Variants in PLEKHN1 observed in about 807,000 individuals in gnomAD.
PLEKHN1 encodes the protein pleckstrin homology domain-containing family N member 1.
A neutral mutation model predicts 72.8 loss-of-function variants in PLEKHN1; 68 were observed. The observed-to-expected ratio is 0.93, with a 90% CI of 0.77 to 1.14. The LOEUF (loss-of-function observed/expected upper bound fraction) is 1.14. PLEKHN1 is among the 50% of genes most tolerant of loss of function. The probability of loss-of-function intolerance (pLI) is 0.00; values close to 1 mark genes in which losing one functional copy is unlikely to be tolerated. For synonymous variants in PLEKHN1, 454 were observed against 371.6 expected (o/e 1.22, Z -2.55); for missense variants, 1,015 against 840.5 (o/e 1.21, Z -2.57).
intron 11 of PLEKHN1, 71 bp downstream of exon 11, chr1:973,081 G>A (rs1011368168): frequency 2.6e-6 from 4 of 1,527,240 alleles, no homozygotes; most frequent in Non-Finnish European, 3.5e-6. Context: ...TGGGGACCCT[G>A]GTTCCTCAGG....
rs201888830 is a variant in PLEKHN1, at chr1:971,132, G to C, written c.632G>C (p.Arg211Pro). Residue 211 changes from arginine (R) to proline (P), a missense_variant, in exon 7 of 16, where the codon CGG becomes CCG. Physicochemically the swap from Arg to Pro is moderately radical, Grantham distance 103. Transcript: ENST00000379410. ...TTGCAGCGCCGTCTAACCCGGCTGC[G>C]GACGGCGTCAGGGCACGAACCCGGC... ...APPQRRLTRL[R>P]TASGHEPGGS... 3 of 1,600,586 alleles carry C rather than the reference G, an allele frequency of 1.9e-6. No homozygotes were observed. Among genetic ancestry groups the C allele is most frequent in the South Asian group, 2.2e-5 (2 of 88,924 alleles).
In PLEKHN1 at chr1:970,507, T is replaced by G; in HGVS notation, c.331-14T>G. 2 of 1,613,062 alleles carry G rather than the reference T, an allele frequency of 1.2e-6. No individual in the cohort carries two copies. The highest frequency in any genetic ancestry group is 1.7e-6 in the Non-Finnish European group (2 of 1,179,926). ...TCCCCAGACTCCGCACTGACGACCC[T>G]GCTCCCCGCGCAGGATGTCAGCGAC... On this transcript the variant is annotated splice_polypyrimidine_tract_variant and intron_variant, in intron 3 of 15. Coordinates refer to ENST00000379410, the MANE Select transcript of PLEKHN1 (RefSeq NM_032129.3). This position sits in a 1 kb window ranked among gnomAD's most constrained non-coding sequence, Gnocchi z 4.2.
Position 972,346 on chromosome 1 carries a change from G to T in PLEKHN1, c.924G>T (p.Trp308Cys), listed in dbSNP as rs1451501773. ...CCAGCTACGAGGACTACGGTCACTG[G>T]CTGCTGTGCCTTCGCGCTGTCACCC... is the stretch of plus-strand genomic sequence containing the variant. ...VCASYEDYGH[W>C]LLCLRAVTHR... is the part of the protein sequence containing the mutation. Residue 308 changes from tryptophan to cysteine, a missense_variant, in exon 10 of 16, where the codon TGG (tryptophan) becomes TGT (cysteine). Coordinates refer to ENST00000379410, the MANE Select transcript of PLEKHN1 (RefSeq NM_032129.3). The T allele has an allele frequency of 6.2e-7, 1 of 1,611,700 alleles. No individual in the cohort carries two copies. The highest frequency in any genetic ancestry group is 1.7e-5 in the Admixed American group (1 of 59,934).
Position 974,634 on chromosome 1 carries a change from C to G in PLEKHN1, c.*59C>G. The G allele has an allele frequency of 1.1e-5, 17 of 1,532,718 alleles. No homozygotes were observed. Among genetic ancestry groups the G allele is most frequent in the Admixed American group, 4.0e-5 (2 of 49,722 alleles). 94.9% of individuals were successfully genotyped at this position (1,532,718 alleles called of 1,614,324 possible). On this transcript the variant is annotated 3_prime_UTR_variant, in exon 16 of 16. Transcript: ENST00000379410. ...TCGCCAAGCTCCAGGGTACCTGCCC[C>G]TCTAACCCACTTCAAATTACAAGTC...
chr1:971,276 A>C, intron 7 of PLEKHN1, 48 bp from the exon 8 acceptor site: 4 of 1,555,046 alleles, frequency 2.6e-6, no homozygotes, highest in Non-Finnish European at 2.6e-6. Flanking sequence ...GGGCGGTGCA[A>C]CAGCAGCTCA....
At chr1:968,447 G>C (rs1389544322) in intron 2 of PLEKHN1, among the ~76,000 whole-genome samples, 1 of 152,240 alleles carries the variant, frequency 6.6e-6, no homozygotes, top group Non-Finnish European at 1.5e-5. Context: ...GTGTGTGCCA[G>C]GATTGACTAC....
At chr1:966,667 C>T (rs375731325) in intron 1 of PLEKHN1, 37 bp from the exon 2 acceptor site, 58 of 1,582,400 alleles carry the variant, frequency 3.7e-5, no homozygotes, top group Non-Finnish European at 4.5e-5. Context: ...CCACCCGCTC[C>T]GGGGCCAAGC....
At position 972,334 on chromosome 1, in the gene PLEKHN1, C is replaced by G; in HGVS notation, c.912C>G (p.Asp304Glu). The change falls in exon 10 of 16, where the codon GAC (aspartate) becomes GAG (glutamate). Residue 304 changes from aspartate to glutamate, a missense_variant. Coordinates refer to ENST00000379410, the MANE Select transcript of PLEKHN1 (RefSeq NM_032129.3). ...TIRVVCASYE[D>E]YGHWLLCLRA... Reference sequence around the variant, plus strand: ...GCGTGGTGTGCGCCAGCTACGAGGACTACGGTCACTGGCTGCTGTGCCTTC... The same window carrying G: ...GCGTGGTGTGCGCCAGCTACGAGGAGTACGGTCACTGGCTGCTGTGCCTTC... The G allele has an allele frequency of 6.2e-7, 1 of 1,612,544 alleles. No individual in the cohort carries two copies. Among genetic ancestry groups the G allele is most frequent in the Non-Finnish European group, 8.5e-7 (1 of 1,179,886 alleles).
At chr1:973,725 G>A (rs1010423274) in intron 13 of PLEKHN1, 85 bp downstream of exon 13, 32 of 1,571,448 alleles carry the variant, frequency 2.0e-5, no homozygotes, top group Non-Finnish European at 2.7e-5. Context: ...TCTCACCCTG[G>A]GGTCTGGGGC....
At position 974,457 on chromosome 1, in the gene PLEKHN1, G is replaced by A; in HGVS notation, c.1718G>A (p.Arg573Lys). The A allele has an allele frequency of 1.2e-6, 2 of 1,612,874 alleles. No individual in the cohort carries two copies. Among genetic ancestry groups the A allele is most frequent in the Admixed American group, 1.7e-5 (1 of 60,026 alleles). The change falls in exon 16 of 16, where the codon AGG (arginine) becomes AAG (lysine). Residue 573 changes from arginine (R) to lysine (K), a missense_variant. Physicochemically the swap from Arg to Lys is conservative, Grantham distance 26. Transcript: ENST00000379410. ...WLPLTDGRSP[R>K]RSRDPGYDHL... The stretch of plus-strand genomic sequence containing the variant: ...TCCCTACCAGATGGTCGGTCCCCCA[G>A]GAGGAGCCGGGACCCCGGCTACGAC...
intron 10 of PLEKHN1, 67 bp downstream of exon 10, chr1:972,491 C>T (rs947029044): frequency 5.4e-5 from 79 of 1,466,490 alleles, no homozygotes; most frequent in East Asian, 7.5e-5. Flanking sequence ...GCAGACCGGG[C>T]GTGGTGGCGC....
rs1396427014 is a variant in PLEKHN1 at position 971,017 on chromosome 1, G to A, written c.612+11G>A. ...TCGGCACCCCCACAGGTCAGTGCCG[G>A]GGACCCCACCCCCCTCCCCACCCTG... On this transcript the variant is annotated intron_variant, in intron 6 of 15. Coordinates refer to ENST00000379410, the MANE Select transcript of PLEKHN1 (RefSeq NM_032129.3). The A allele has an allele frequency of 1.9e-6, 3 of 1,595,790 alleles. No homozygotes were observed. Among genetic ancestry groups the A allele is most frequent in the Admixed American group, 3.5e-5 (2 of 57,930 alleles).
Position 970,784 on chromosome 1 carries a change from C to G in PLEKHN1, c.484+26C>G. The G allele has an allele frequency of 6.2e-7, 1 of 1,612,744 alleles. No homozygotes were observed. The highest frequency in any genetic ancestry group is 8.5e-7 in the Non-Finnish European group (1 of 1,179,902). ...GTGTTTGGGATGCTTCCCGGGCCCC[C>G]AGAGGCACTCCTGACCCAGGACTTG... On this transcript the variant is annotated intron_variant, in intron 5 of 15. Coordinates refer to ENST00000379410, the MANE Select transcript of PLEKHN1 (RefSeq NM_032129.3). This position sits in a 1 kb window ranked among gnomAD's most constrained non-coding sequence, Gnocchi z 4.2.
Position 970,722 on chromosome 1 carries a change from C to A in PLEKHN1, c.448C>A (p.Leu150Ile). ...GCTGACGGAGCTGAGTGTCTGCCCGCTCGAGGGGTCCCGAGAGCACGCCTT... is the reference window on the plus strand; with the variant it reads ...GCTGACGGAGCTGAGTGTCTGCCCGATCGAGGGGTCCCGAGAGCACGCCTT... ...LPLTELSVCP[L>I]EGSREHAFQI... is the part of the protein sequence containing the mutation. The change falls in exon 5 of 16, where the codon CTC becomes ATC. Residue 150 changes from leucine (L) to isoleucine (I), a missense_variant. Leu to Ile is a conservative substitution (Grantham distance 5). Coordinates refer to ENST00000379410, the MANE Select transcript of PLEKHN1 (RefSeq NM_032129.3). This position sits in a 1 kb window ranked among gnomAD's most constrained non-coding sequence, Gnocchi z 4.2. 1.2e-6 allele frequency: 2 copies of A among 1,602,934 alleles called. No individual in the cohort carries two copies. The highest frequency in any genetic ancestry group is 8.5e-7 in the Non-Finnish European group (1 of 1,173,482).
rs1177342276 is a variant in PLEKHN1 at position 974,563 on chromosome 1, G to A, written c.1824G>A (p.Val608=). ...LGGPEASGGL[V]QWI The stretch of plus-strand genomic sequence containing the variant: ...GGCCTGAGGCCAGTGGGGGGCTTGT[G>A]CAGTGGATCTGATGGCCGCGGTGAG... The change falls in exon 16 of 16, where the codon GTG becomes GTA. Residue 608 remains valine, a synonymous_variant. Coordinates refer to ENST00000379410, the MANE Select transcript of PLEKHN1 (RefSeq NM_032129.3). 1.9e-6 allele frequency: 3 copies of A among 1,611,624 alleles called. No homozygotes were observed. Among genetic ancestry groups the A allele is most frequent in the Non-Finnish European group, 2.5e-6 (3 of 1,179,518 alleles).
rs756644534 is a variant in PLEKHN1 at position 973,335 on chromosome 1, AGCAC to A, written c.1293+10_1293+13del. Reference sequence around the variant, plus strand: ...ACCTGGACCTGACCCAGGTGGGCCCAGCACACCCACACAGCCCCTGGCCTGGTTC... The same window carrying A: ...ACCTGGACCTGACCCAGGTGGGCCCAACCCACACAGCCCCTGGCCTGGTTC... On this transcript the variant is annotated intron_variant, in intron 12 of 15. Transcript: ENST00000379410. 1.9e-6 allele frequency: 3 copies of A among 1,551,060 alleles called. No individual in the cohort carries two copies. The East Asian group carries it at 7.0e-5, about 36-fold the overall frequency.
rs982395062 is a variant in PLEKHN1, at chr1:975,158, AGAG to A, written c.*584_*586del. On this transcript the variant is annotated 3_prime_UTR_variant, in exon 16 of 16. Transcript: ENST00000379410. ...AGAAAAGAAGAGAAGAGAGAAGAGA[AGAG>A]AAGGAAAGAGAGAGAGAGAATAAGA... The A allele has an allele frequency of 1.3e-5, 2 of 152,520 alleles. No homozygotes were observed. The highest frequency in any genetic ancestry group is 2.4e-5 in the African/African-American group (1 of 41,396). The allele number at this position is 152,520 out of a possible 1,614,324, so 9.4% of individuals were successfully genotyped here. A position where few individuals can be genotyped will look rare whatever the true frequency, so the allele number is the denominator to read the frequency against.
chr1:967,269 G>A (rs961927744), intron 2 of PLEKHN1, among the ~76,000 whole-genome samples: 3 of 152,128 alleles, frequency 2.0e-5, no homozygotes, highest in Non-Finnish European at 2.9e-5. Flanking sequence ...CTCTGTGCAC[G>A]CGCCGGCCTC....
intron 8 of PLEKHN1, 174 bp downstream of exon 8, chr1:971,578 C>T: frequency 1.5e-6 from 1 of 645,322 alleles, no homozygotes; most frequent in Non-Finnish European, 2.7e-6. Flanking sequence ...ATGGAGGAGC[C>T]CCTGCCCGCC....
Sources: allele counts gnomAD v4.1 joint callset (sites outside exome capture counted in the v4.1 genomes callset), GRCh38; gene constraint gnomAD v4.1.1; non-coding constraint Gnocchi (gnomAD v3.1); transcripts MANE v1.5; gene names NCBI Gene and HGNC (gene_info 2026-07-23, HGNC 2026-07-21).